The following TCOF1 variants were observed in gnomAD, a reference collection of about 807,000 sequenced individuals.
TCOF1 encodes the protein treacle ribosome biogenesis factor 1.
A neutral mutation model predicts 149.0 loss-of-function variants in TCOF1; 33 were observed. The observed-to-expected ratio is 0.22, with a 90% CI of 0.17 to 0.30. TCOF1 has a LOEUF of 0.30. Among genes scored for constraint, TCOF1 ranks in the 10% least tolerant of loss-of-function variants. The probability of loss-of-function intolerance (pLI) is 1.00; values close to 1 mark genes in which losing one functional copy is unlikely to be tolerated. For missense variants in TCOF1, 1,728 were observed against 1,840.7 expected (o/e 0.94, Z 1.12); for synonymous variants, 789 against 738.8 (o/e 1.07, Z -1.10).
At position 150,375,925 on chromosome 5, in the gene TCOF1, G is replaced by A; in HGVS notation, c.1893+16G>A. ...TGCAGCTCAGGTGAGGCCTGGGGAA[G>A]GAGGCTGCTACATGGCCTGATCTGC... On this transcript the variant is annotated intron_variant, in intron 12 of 26. Coordinates refer to ENST00000643257, the MANE Select transcript of TCOF1 (RefSeq NM_001371623.1). 1.2e-6 allele frequency: 2 copies of A among 1,614,070 alleles called. No homozygotes were observed. Among genetic ancestry groups the A allele is most frequent in the Non-Finnish European group, 1.7e-6 (2 of 1,180,020 alleles).
intron 18 of TCOF1, 142 bp from the exon 19 acceptor site, chr5:150,389,745 G>C: frequency 6.8e-7 from 1 of 1,464,996 alleles, no homozygotes; most frequent in Non-Finnish European, 9.4e-7. Flanking sequence ...CTTGGAGAGG[G>C]AAGTAAACAA....
In TCOF1 at chr5:150,376,461, C is replaced by G; in HGVS notation, c.2181C>G (p.Ala727=). 9 of 1,614,226 alleles carry G rather than the reference C, an allele frequency of 5.6e-6. No individual in the cohort carries two copies. Among genetic ancestry groups the G allele is most frequent in the African/African-American group, 1.3e-5 (1 of 75,058 alleles). ...GGAAAGGCCTCCAGGTGAAAGCAGC[C>G]TCAGTGCCTGTCAAGGGGTCCTTGG... ...SVGKGLQVKA[A]SVPVKGSLGQ... The change falls in exon 14 of 27, where the codon GCC becomes GCG. Residue 727 remains alanine, a synonymous_variant. Coordinates refer to ENST00000643257, the MANE Select transcript of TCOF1 (RefSeq NM_001371623.1).
chr5:150,390,063 G>A (rs1268773948), intron 19 of TCOF1, 40 bp downstream of exon 19: 1 of 1,571,014 alleles, frequency 6.4e-7, no homozygotes, highest in Middle Eastern at 1.7e-4. Context: ...GGCCAGTGGG[G>A]TGGGGCCCTA....
At chr5:150,391,157 C>T (rs955613441) in intron 19 of TCOF1, among the ~76,000 whole-genome samples, 5 of 152,110 alleles carry the variant, frequency 3.3e-5, no homozygotes, top group South Asian at 2.1e-4. Flanking sequence ...AGGAGATGAG[C>T]CAGGCCGTGG....
chr5:150,381,738 A>G (rs1765238543), intron 17 of TCOF1, among the ~76,000 whole-genome samples: 1 of 152,214 alleles, frequency 6.6e-6, no homozygotes, highest in Non-Finnish European at 1.5e-5. Flanking sequence ...GCCCCATTCA[A>G]AAGAGCTTAA....
chr5:150,384,149 A>G, intron 17 of TCOF1: 4 of 1,075,406 alleles, frequency 3.7e-6, no homozygotes, highest in Non-Finnish European at 4.5e-6. Context: ...TTATCAATTC[A>G]TCAGTAAGGT....
rs1365314634 is a variant in TCOF1 at position 150,392,808 on chromosome 5, G to A, written c.3603+18G>A. 1.2e-6 allele frequency: 2 copies of A among 1,612,914 alleles called. No individual in the cohort carries two copies. The highest frequency in any genetic ancestry group is 1.7e-6 in the Non-Finnish European group (2 of 1,179,578). ...CATCCCAGGTAACTGCAAGGGAGAG[G>A]ACTGGCAGCCCATAGGCCTTAGGGT... On this transcript the variant is annotated intron_variant, in intron 22 of 26. Coordinates refer to ENST00000643257, the MANE Select transcript of TCOF1 (RefSeq NM_001371623.1).
chr5:150,369,020 C>A, intron 5 of TCOF1, 118 bp downstream of exon 5: 1 of 1,330,996 alleles, frequency 7.5e-7, no homozygotes, highest in Non-Finnish European at 1.1e-6. Flanking sequence ...TCCAGGACAG[C>A]CAGGTTCCTG....
In TCOF1 at chr5:150,372,862, G is replaced by A. The variant is rs1022875151; in HGVS notation, c.870+626G>A. ...CTCTGGGCTGGCCTTGGGAGAAGGC[G>A]TCTCAGTAAAGACCAGAAGGAGGAA... is the stretch of plus-strand genomic sequence containing the variant. On this transcript the variant is annotated intron_variant, in intron 7 of 26. Coordinates refer to ENST00000643257, the MANE Select transcript of TCOF1 (RefSeq NM_001371623.1). Among the ~76,000 whole-genome samples the A allele has an allele frequency of 5.9e-5, 9 of 152,168 alleles. No individual in the cohort carries two copies. The East Asian group carries it at 1.3e-3, about 23-fold the overall frequency.
intron 22 of TCOF1, 60 bp downstream of exon 22, chr5:150,392,850 C>T: frequency 2.5e-6 from 4 of 1,574,228 alleles, no homozygotes; most frequent in Non-Finnish European, 3.5e-6. Flanking sequence ...CCAGGCCAGG[C>T]TCCTGTCTAC....
chr5:150,366,087 T>A (rs969258125), intron 3 of TCOF1, among the ~76,000 whole-genome samples: 6 of 145,718 alleles, frequency 4.1e-5, no homozygotes, highest in Non-Finnish European at 7.4e-5. Context: ...GTGCCTGCAC[T>A]CCAGCCTGGG....
chr5:150,387,475 T>A (rs1766521453), intron 17 of TCOF1, among the ~76,000 whole-genome samples: 1 of 152,202 alleles, frequency 6.6e-6, no homozygotes, highest in Non-Finnish European at 1.5e-5. Context: ...CCAGGCAGCC[T>A]TGGAAAACTG....
At chr5:150,390,991 T>C (rs1484836941) in intron 19 of TCOF1, among the ~76,000 whole-genome samples, 2 of 152,148 alleles carry the variant, frequency 1.3e-5, no homozygotes, top group Admixed American at 1.3e-4. Context: ...GAAGGCCTCC[T>C]GAGACAGCGA....
At position 150,374,231 on chromosome 5, in the gene TCOF1, A is replaced by C. The variant is rs1052224591; in HGVS notation, c.928A>C (p.Thr310Pro). 2.4e-5 allele frequency: 39 copies of C among 1,610,122 alleles called. No homozygotes were observed. Among genetic ancestry groups the C allele is most frequent in the Non-Finnish European group, 3.0e-5 (35 of 1,178,532 alleles). ...VRAASAPAKG[T>P]PGKGATPAPP... ...AGCTGCCTCAGCCCCTGCCAAGGGG[A>C]CCCCTGGGAAAGGGGCTACCCCAGC... is the stretch of plus-strand genomic sequence containing the variant. Residue 310 changes from threonine (T) to proline (P), a missense_variant, in exon 8 of 27, where the codon ACC becomes CCC. Physicochemically the swap from Thr to Pro is conservative, Grantham distance 38 (BLOSUM62 -1). Around this residue, in one of 2 missense-constraint regions of TCOF1, gnomAD observed 1,696 missense variants for 1,765.4 expected, o/e 0.96. Coordinates refer to ENST00000643257, the MANE Select transcript of TCOF1 (RefSeq NM_001371623.1).
At position 150,396,159 on chromosome 5, in the gene TCOF1, C is replaced by T. The variant is rs1266252001; in HGVS notation, c.3785-123C>T. The T allele has an allele frequency of 8.8e-6, 10 of 1,135,850 alleles. No homozygotes were observed. In the East Asian group the frequency reaches 1.6e-4, roughly 19 times the overall value. The allele number at this position is 1,135,850 out of a possible 1,614,324, so 70.4% of individuals were successfully genotyped here. On this transcript the variant is annotated intron_variant, in intron 23 of 26. Coordinates refer to ENST00000643257, the MANE Select transcript of TCOF1 (RefSeq NM_001371623.1). ...GGCAGAGTGACCGCCAAGCCTTGCT[C>T]TCCCCATCTGTGCCATTGTAAGAAA... is the stretch of plus-strand genomic sequence containing the variant.
At chr5:150,370,362 A>G (rs989803178) in intron 6 of TCOF1, among the ~76,000 whole-genome samples, 22 of 152,152 alleles carry the variant, frequency 1.4e-4, no homozygotes, top group African/African-American at 2.4e-5. Context: ...TTTAAAGAAC[A>G]TTGATCTTTT....
At chr5:150,374,913 C>T in intron 9 of TCOF1, 41 bp from the exon 10 acceptor site, 1 of 1,613,740 alleles carries the variant, frequency 6.2e-7, no homozygotes, top group Non-Finnish European at 8.5e-7. Flanking sequence ...CTCCACACGT[C>T]CACCCTCTGG....
intron 4 of TCOF1, 177 bp from the exon 5 acceptor site, chr5:150,368,539 T>C (rs1562307661): frequency 1.5e-6 from 1 of 671,332 alleles, no homozygotes. Context: ...TCAACACCTC[T>C]GGTGAGAGGA....
rs772287586 is a variant in TCOF1 at position 150,372,247 on chromosome 5, G to C, written c.870+11G>C. On this transcript the variant is annotated intron_variant, in intron 7 of 26. Coordinates refer to ENST00000643257, the MANE Select transcript of TCOF1 (RefSeq NM_001371623.1). ...GGGACACGAAGCCAGGTGAGGCCTG[G>C]AGGAGGGCTGCCCCTTGGAGGACCT... 6.2e-7 allele frequency: 1 copy of C among 1,600,348 alleles called. No individual in the cohort carries two copies. Among genetic ancestry groups the C allele is most frequent in the Admixed American group, 1.7e-5 (1 of 57,610 alleles).
Sources: gnomAD v4.1 joint callset for allele counts (sites outside exome capture counted in the v4.1 genomes callset) on GRCh38, gnomAD v4.1.1 for gene constraint, gnomAD v4.1.1 regional missense constraint, MANE v1.5 for transcripts, NCBI Gene and HGNC (gene_info 2026-07-23, HGNC 2026-07-21) for gene names.